ANAPC7: variants seen among roughly 807,000 people sequenced by gnomAD.
ANAPC7 encodes the protein anaphase-promoting complex subunit 7.
A neutral mutation model predicts 63.3 loss-of-function variants in ANAPC7; 25 were observed. The ratio of observed to expected loss-of-function variants is 0.39; its 90% CI spans 0.29 to 0.55. The LOEUF (loss-of-function observed/expected upper bound fraction) is 0.55. Among genes scored for constraint, ANAPC7 ranks in the 20% least tolerant of loss-of-function variants. The pLI, the probability that ANAPC7 is intolerant of heterozygous loss-of-function variation, is 0.57. For synonymous variants in ANAPC7, 241 were observed against 251.7 expected, an observed-to-expected ratio of 0.96 and a Z score of 0.40; for missense variants, 516 against 691.7, an observed-to-expected ratio of 0.75 and a Z score of 2.85.
At chr12:110,386,536 G>C (rs1308720184) in intron 5 of ANAPC7, 67 bp from the exon 6 acceptor site, 5 of 1,337,796 alleles carry the variant, frequency 3.7e-6, no homozygotes, top group Middle Eastern at 1.9e-4. Context: ...GCTGAATCTG[G>C]ATGATTGGTC....
chr12:110,403,708 T>G lies in ANAPC7; in HGVS notation c.-81A>C, dbSNP rs1396419736. 1 of 1,551,360 alleles carries G rather than the reference T, an allele frequency of 6.4e-7. No individual in the cohort carries two copies. The highest frequency in any genetic ancestry group is 2.0e-5 in the Admixed American group (1 of 51,022). ...AGGATCCTTAGGGAAGACTCCAAAA[T>G]GGCGGCGTCGCCGGGGTCCATCGGG... On this transcript the variant is annotated 5_prime_UTR_variant, in exon 1 of 11. Coordinates refer to ENST00000455511, the MANE Select transcript of ANAPC7 (RefSeq NM_016238.3).
chr12:110,398,530 T>C lies in ANAPC7; in HGVS notation c.102-2078A>G, dbSNP rs148885004. 1.0e-3 allele frequency among the ~76,000 whole-genome samples: 153 copies of C among 152,282 alleles called. 1 individual carries two copies. The East Asian group carries it at 0.023, about 23-fold the overall frequency. On this transcript the variant is annotated intron_variant, in intron 1 of 10. Transcript: ENST00000455511. The stretch of plus-strand genomic sequence containing the variant: ...TGTTTTAAAACTGTTTAACCTTGAG[T>C]ATTACAGTCAAGAATTATAACTGCC...
At position 110,382,943 on chromosome 12, in the gene ANAPC7, A is replaced by T. The variant is rs1882079398; in HGVS notation, c.835T>A (p.Tyr279Asn). 1.9e-6 allele frequency: 3 copies of T among 1,613,488 alleles called. No individual in the cohort carries two copies. The highest frequency in any genetic ancestry group is 2.5e-6 in the Non-Finnish European group (3 of 1,179,720). Residue 279 changes from tyrosine to asparagine, a missense_variant, in exon 7 of 11, where the codon TAC becomes AAC. This residue lies in a region of ANAPC7 where 199 missense variants were observed against 249.3 expected (regional missense o/e 0.80). Coordinates refer to ENST00000455511, the MANE Select transcript of ANAPC7 (RefSeq NM_016238.3). ...YLIKGMDVYG[Y>N]LLAREGRLED... is the part of the protein sequence containing the mutation. ...AGCCGCCCTTCTCGTGCCAGTAGGT[A>T]GCCATATACATCCATTCCTAGAAGA...
chr12:110,374,451 G>A, intron 10 of ANAPC7, 118 bp from the exon 11 acceptor site: 1 of 972,564 alleles, frequency 1.0e-6, no homozygotes, highest in Non-Finnish European at 1.5e-6. Flanking sequence ...ATGTGCTAAA[G>A]CCTGGCCTCT....
At position 110,395,251 on chromosome 12, in the gene ANAPC7, C is replaced by T. The variant is rs770747404; in HGVS notation, c.289-31G>A. ...AGACAATGGAAATATTTCTTTGAAACGTTATTCCAACAATATGACAGTTCT... is the reference window on the plus strand; with the variant it reads ...AGACAATGGAAATATTTCTTTGAAATGTTATTCCAACAATATGACAGTTCT... On this transcript the variant is annotated intron_variant, in intron 2 of 10. Transcript: ENST00000455511. The T allele has an allele frequency of 1.8e-5, 28 of 1,590,936 alleles. No individual in the cohort carries two copies. In the Admixed American group the frequency reaches 3.8e-4, roughly 22 times the overall value.
In ANAPC7 at chr12:110,373,441, T is replaced by A. The variant is rs1880993076; in HGVS notation, c.*703A>T. On this transcript the variant is annotated 3_prime_UTR_variant, in exon 11 of 11. Transcript: ENST00000455511. Reference sequence around the variant, plus strand: ...TAAGACAAAAATACTAAGAGTCTATTTTGAAAAGGGCTTCCATTCTGATCA... The same window carrying A: ...TAAGACAAAAATACTAAGAGTCTATATTGAAAAGGGCTTCCATTCTGATCA... The A allele has an allele frequency of 6.6e-6, 1 of 152,176 alleles. No homozygotes were observed. Among genetic ancestry groups the A allele is most frequent in the Non-Finnish European group, 1.5e-5 (1 of 68,028 alleles). The allele number at this position is 152,176 out of a possible 1,614,324, so 9.4% of individuals were successfully genotyped here.
chr12:110,374,710 C>T (rs1283959303), intron 10 of ANAPC7, among the ~76,000 whole-genome samples: 1 of 152,072 alleles, frequency 6.6e-6, no homozygotes, highest in Admixed American at 6.6e-5. Flanking sequence ...TTTAGAGCTA[C>T]AGGGTTACAA....
chr12:110,379,201 TAC>T (rs1881588632), intron 8 of ANAPC7: 1 of 152,176 alleles, frequency 6.6e-6, no homozygotes. Flanking sequence ...GGATTCCACA[TAC>T]AGTTGTTTGC....
At chr12:110,399,300 G>A (rs1283477955) in intron 1 of ANAPC7, among the ~76,000 whole-genome samples, 1 of 151,782 alleles carries the variant, frequency 6.6e-6, no homozygotes, top group Non-Finnish European at 1.5e-5. Context: ...GATTACAGGC[G>A]TGAGCCACTG....
intron 5 of ANAPC7, 159 bp from the exon 6 acceptor site, chr12:110,386,628 T>C (rs1294980289): frequency 1.5e-6 from 1 of 656,334 alleles, no homozygotes; most frequent in Non-Finnish European, 2.5e-6. Context: ...AAAAAAGTTA[T>C]ATAGGACAGG....
chr12:110,402,399 G>A (rs1322150545), intron 1 of ANAPC7, among the ~76,000 whole-genome samples: 1 of 150,996 alleles, frequency 6.6e-6, no homozygotes, highest in Admixed American at 6.6e-5. Flanking sequence ...GTGCTACTTC[G>A]GCTCACTGCA....
intron 4 of ANAPC7, 76 bp downstream of exon 4, chr12:110,388,436 T>G: frequency 8.8e-7 from 1 of 1,142,488 alleles, no homozygotes; most frequent in South Asian, 1.4e-5. Context: ...AAAGTTATTC[T>G]AATGTACAGG....
intron 1 of ANAPC7, among the ~76,000 whole-genome samples, chr12:110,402,301 T>C (rs895727692): frequency 2.0e-5 from 3 of 151,168 alleles, no homozygotes; most frequent in African/African-American, 7.3e-5. Flanking sequence ...TCAGAGGCCA[T>C]GGGAAAGAAT....
chr12:110,401,223 G>C (rs1023077127), intron 1 of ANAPC7, among the ~76,000 whole-genome samples: 1 of 152,158 alleles, frequency 6.6e-6, no homozygotes, highest in African/African-American at 2.4e-5. Flanking sequence ...GCCATTTGGA[G>C]GTAGCAGACT....
In ANAPC7 at chr12:110,399,462, T is replaced by TA. The variant is rs531274525; in HGVS notation, c.102-3011dup. Among the ~76,000 whole-genome samples the TA allele has an allele frequency of 2.1e-3, 293 of 140,674 alleles. 1 individual carries two copies. Among genetic ancestry groups the TA allele is most frequent in the Middle Eastern group, 7.2e-3 (2 of 276 alleles). 92.3% of individuals were successfully genotyped at this position (140,674 alleles called of 152,430 possible). A position where few individuals can be genotyped will look rare whatever the true frequency, so the allele number is the denominator to read the frequency against. On this transcript the variant is annotated intron_variant, in intron 1 of 10. Coordinates refer to ENST00000455511, the MANE Select transcript of ANAPC7 (RefSeq NM_016238.3). ...ATCAACATAGTGAGATCTTGTCTCT[T>TA]AAAAAAAAAAAAAAATAGGCATCAT...
In ANAPC7 at chr12:110,381,843, T is replaced by A; in HGVS notation, c.1041A>T (p.Ala347=). 1 of 1,613,794 alleles carries A rather than the reference T, an allele frequency of 6.2e-7. No individual in the cohort carries two copies. Among genetic ancestry groups the A allele is most frequent in the Non-Finnish European group, 8.5e-7 (1 of 1,179,984 alleles). The change falls in exon 8 of 11, where the codon GCA becomes GCT. Residue 347 remains alanine, a synonymous_variant. Transcript: ENST00000455511. ...NSVQALLLKG[A]ALRNMGRVQE... ...GGACTCTGCCCATGTTCCTAAGTGC[T>A]GCTCCCTTAAGTAGCAGAGCTTGAA...
chr12:110,391,277 C>T (rs975381099), intron 3 of ANAPC7, among the ~76,000 whole-genome samples: 2 of 152,226 alleles, frequency 1.3e-5, no homozygotes, highest in African/African-American at 2.4e-5. Flanking sequence ...GTTATAAACA[C>T]AAGCAGTCAT....
In ANAPC7 at chr12:110,396,397, G is replaced by C. The variant is rs746236548; in HGVS notation, c.157C>G (p.Leu53Val). Residue 53 changes from leucine to valine, a missense_variant, in exon 2 of 11, where the codon CTC becomes GTC. Around this residue, in one of 4 missense-constraint regions of ANAPC7, gnomAD observed 185 missense variants for 200.3 expected, o/e 0.92. Coordinates refer to ENST00000455511, the MANE Select transcript of ANAPC7 (RefSeq NM_016238.3). ...YQLLVYHADS[L>V]FHDKEYRNAV... The stretch of plus-strand genomic sequence containing the variant: ...TTCCGATATTCCTTATCATGAAAGA[G>C]AGAATCTGCATGATACACCAAAAGC... 1.9e-6 allele frequency: 3 copies of C among 1,613,804 alleles called. No individual in the cohort carries two copies. The highest frequency in any genetic ancestry group is 1.7e-5 in the Admixed American group (1 of 59,956).
At chr12:110,376,357 G>T in intron 9 of ANAPC7, 141 bp from the exon 10 acceptor site, 1 of 902,940 alleles carries the variant, frequency 1.1e-6, no homozygotes, top group Non-Finnish European at 1.6e-6. Flanking sequence ...GCCCTATTCA[G>T]TTAAGAAATT....
Sources: allele counts gnomAD v4.1 joint callset (sites outside exome capture counted in the v4.1 genomes callset), GRCh38; gene constraint gnomAD v4.1.1; regional missense constraint gnomAD v4.1.1; transcripts MANE v1.5; gene names NCBI Gene and HGNC (gene_info 2026-07-23, HGNC 2026-07-21).